DSCAM: variants seen among roughly 807,000 people sequenced by gnomAD.
DSCAM encodes cell adhesion molecule DSCAM.
DSCAM carries 47 observed loss-of-function variants against 217.7 expected under a neutral mutation model. That is an observed-to-expected ratio of 0.22 (90% CI 0.17 to 0.28). The LOEUF is 0.28. Among genes scored for constraint, DSCAM ranks in the 10% least tolerant of loss-of-function variants. The pLI, the probability that DSCAM is intolerant of heterozygous loss-of-function variation, is 1.00. For missense variants in DSCAM, 2,080 were observed against 2,618.3 expected, an observed-to-expected ratio of 0.79 and a Z score of 4.49; for synonymous variants, 1,056 against 1,015.3, an observed-to-expected ratio of 1.04 and a Z score of -0.76.
chr21:40,800,715 C>CTTTTTTTTTT (rs34391500), intron 1 of DSCAM, among the ~76,000 whole-genome samples: 6 of 131,070 alleles, frequency 4.6e-5, no homozygotes, highest in African/African-American at 1.7e-4. Context: ...TTCTTACTTT[C>CTTTTTTTTTT]TTTTTTTTTT....
chr21:40,306,446 C>A (rs1457994332), intron 9 of DSCAM, among the ~76,000 whole-genome samples: 1 of 149,016 alleles, frequency 6.7e-6, no homozygotes, highest in Non-Finnish European at 1.5e-5. Flanking sequence ...CCTTCTCCTG[C>A]CTAATTGCCC....
At chr21:40,552,190 T>C (rs1331206118) in intron 3 of DSCAM, among the ~76,000 whole-genome samples, 1 of 152,102 alleles carries the variant, frequency 6.6e-6, no homozygotes, top group Non-Finnish European at 1.5e-5. Flanking sequence ...GGCGTGTGCC[T>C]GTAGTCCCAG....
At chr21:40,779,985 T>A (rs2091525429) in intron 1 of DSCAM, among the ~76,000 whole-genome samples, 1 of 152,202 alleles carries the variant, frequency 6.6e-6, no homozygotes, top group African/African-American at 2.4e-5. Flanking sequence ...CAGATCAAAT[T>A]CAGAAGTGTG....
At chr21:40,817,314 C>T (rs1313550177) in intron 1 of DSCAM, among the ~76,000 whole-genome samples, 1 of 152,124 alleles carries the variant, frequency 6.6e-6, no homozygotes, top group East Asian at 1.9e-4. Context: ...CAAATCAGAT[C>T]GCTTGTTTCT....
chr21:40,329,612 CTAAATAAATAAATAAA>C (rs141438568), intron 8 of DSCAM, among the ~76,000 whole-genome samples: 3,230 of 135,160 alleles, frequency 0.024, 150 homozygotes, highest in East Asian at 0.23. Flanking sequence ...GACTCCGTCT[CTAAATAAATAAATAAA>C]TAAATAAATA....
At chr21:40,620,038 AAGAG>A (rs1373190210) in intron 3 of DSCAM, among the ~76,000 whole-genome samples, 9 of 115,864 alleles carry the variant, frequency 7.8e-5, no homozygotes, top group Non-Finnish European at 1.5e-4. Flanking sequence ...GAGAGAGAGA[AAGAG>A]AGAGAAAAAA....
Position 40,211,981 on chromosome 21 carries a change from G to C in DSCAM, c.2357-22743C>G, listed in dbSNP as rs1262864130. On this transcript the variant is annotated intron_variant, in intron 11 of 32. Coordinates refer to ENST00000400454, the MANE Select transcript of DSCAM (RefSeq NM_001389.5). ...TCTGAAGCTTTTTTTTTTTTGGTGT[G>C]GGGGGTGGGAGGGAGTCTTGCTCTG... Among the ~76,000 whole-genome samples the C allele has an allele frequency of 6.6e-5, 10 of 150,948 alleles. No homozygotes were observed. The South Asian group carries it at 1.9e-3, about 29-fold the overall frequency.
rs1429031047 is a variant in DSCAM, at chr21:40,368,019, T to G, written c.655+1080A>C. On this transcript the variant is annotated intron_variant, in intron 4 of 32. Transcript: ENST00000400454. ...AGAGATACATTTAAAAATCAACACTTGATGATTCAGCATGAAGATAAAAAA... is the reference window on the plus strand; with the variant it reads ...AGAGATACATTTAAAAATCAACACTGGATGATTCAGCATGAAGATAAAAAA... 2.6e-5 allele frequency among the ~76,000 whole-genome samples: 4 copies of G among 152,248 alleles called. No homozygotes were observed. In the East Asian group the frequency reaches 7.7e-4, roughly 29 times the overall value.
At chr21:40,663,060 C>T (rs999764923) in intron 3 of DSCAM, among the ~76,000 whole-genome samples, 6 of 57,826 alleles carry the variant, frequency 1.0e-4, no homozygotes, top group Admixed American at 2.3e-4. Flanking sequence ...TGTGTGTGTG[C>T]GCACCTGTGT....
At chr21:40,434,889 C>T (rs1201897464) in intron 3 of DSCAM, among the ~76,000 whole-genome samples, 1 of 152,136 alleles carries the variant, frequency 6.6e-6, no homozygotes, top group Admixed American at 6.5e-5. Flanking sequence ...TTCCTCACAG[C>T]CTTGAGAGGT....
chr21:40,535,085 T>G (rs1384078674), intron 3 of DSCAM, among the ~76,000 whole-genome samples: 1 of 152,194 alleles, frequency 6.6e-6, no homozygotes, highest in Non-Finnish European at 1.5e-5. Context: ...GCTGGCCACC[T>G]GCTCCCTATC....
chr21:40,394,438 A>G (rs2075160792), intron 3 of DSCAM, among the ~76,000 whole-genome samples: 2 of 152,238 alleles, frequency 1.3e-5, no homozygotes, highest in African/African-American at 4.8e-5. Context: ...GAAAAATAAT[A>G]GAATATGAAC....
At chr21:40,675,058 G>C (rs1175519683) in intron 3 of DSCAM, among the ~76,000 whole-genome samples, 1 of 151,858 alleles carries the variant, frequency 6.6e-6, no homozygotes, top group Admixed American at 6.6e-5. Flanking sequence ...TACACACGAT[G>C]CATGTTCATT....
At chr21:40,047,160 G>A (rs1034253042) in intron 30 of DSCAM, among the ~76,000 whole-genome samples, 9 of 152,074 alleles carry the variant, frequency 5.9e-5, no homozygotes, top group Admixed American at 3.3e-4. Flanking sequence ...GCCTCAGTAT[G>A]TAGAATACTG....
chr21:40,708,779 A>G lies in DSCAM; in HGVS notation c.44-8T>C. The G allele has an allele frequency of 3.3e-6, 5 of 1,531,656 alleles. No individual in the cohort carries two copies. The highest frequency in any genetic ancestry group is 4.4e-6 in the Non-Finnish European group (5 of 1,133,732). The allele number at this position is 1,531,656 out of a possible 1,614,324, so 94.9% of individuals were successfully genotyped here. ...GTAGGTCTTCACTGAAAACTGCAAG[A>G]AGACAACACAGGGATCCATAGGTGA... On this transcript the variant is annotated splice_polypyrimidine_tract_variant and splice_region_variant and intron_variant, in intron 1 of 32. Transcript: ENST00000400454.
rs547020260 is a variant in DSCAM, at chr21:40,201,379, T to C, written c.2357-12141A>G. 3.2e-4 allele frequency among the ~76,000 whole-genome samples: 17 copies of C among 52,814 alleles called. No individual in the cohort carries two copies. The South Asian group carries it at 9.6e-3, about 30-fold the overall frequency. The allele number at this position is 52,814 out of a possible 152,430, so 34.6% of individuals were successfully genotyped here. ...GGAGGCAGGCTGGCCATTTCTTTCT[T>C]TTTTTTTTTCCATCTGTCTGGTTCT... On this transcript the variant is annotated intron_variant, in intron 11 of 32. Transcript: ENST00000400454.
chr21:40,231,433 G>C (rs547938182), intron 11 of DSCAM, among the ~76,000 whole-genome samples: 16 of 152,174 alleles, frequency 1.1e-4, no homozygotes, highest in Non-Finnish European at 2.1e-4. Context: ...ATTTCCGGGT[G>C]AGAGTTTATC....
chr21:40,623,932 G>A (rs1356881266), intron 3 of DSCAM, among the ~76,000 whole-genome samples: 3 of 152,106 alleles, frequency 2.0e-5, no homozygotes, highest in Non-Finnish European at 4.4e-5. Flanking sequence ...CAAGGGAGGG[G>A]CCCCTTTCAG....
chr21:40,565,166 GC>G (rs1303615720), intron 3 of DSCAM, among the ~76,000 whole-genome samples: 3 of 152,174 alleles, frequency 2.0e-5, no homozygotes, highest in Non-Finnish European at 4.4e-5. Context: ...GACCTGCTCT[GC>G]TACCCACCAT....
Sources: allele counts gnomAD v4.1 joint callset (sites outside exome capture counted in the v4.1 genomes callset), GRCh38; gene constraint gnomAD v4.1.1; transcripts MANE v1.5; gene names NCBI Gene and HGNC (gene_info 2026-07-23, HGNC 2026-07-21).